ADGRL3: variants seen among roughly 807,000 people sequenced by gnomAD.
The protein encoded by ADGRL3 is adhesion G protein-coupled receptor L3.
ADGRL3 carries 62 observed loss-of-function variants against 153.5 expected under a neutral mutation model. The observed-to-expected ratio is 0.40, with a 90% confidence interval of 0.33 to 0.50. ADGRL3 has a LOEUF of 0.50. ADGRL3 is among the 20% of genes least tolerant of loss of function. The pLI is 0.47. For missense variants in ADGRL3, 1,641 were observed against 1,859.4 expected (o/e 0.88, Z 2.16); for synonymous variants, 710 against 672.5 (o/e 1.06, Z -0.86).
intron 2 of ADGRL3, among the ~76,000 whole-genome samples, chr4:61,456,423 C>CTA (rs1349068202): frequency 2.0e-5 from 1 of 50,470 alleles, no homozygotes; most frequent in African/African-American, 5.5e-5. Context: ...ATAGATATAT[C>CTA]TATATCTATA....
At chr4:61,646,840 T>G (rs376963955) in intron 5 of ADGRL3, among the ~76,000 whole-genome samples, 113 of 152,352 alleles carry the variant, frequency 7.4e-4, no homozygotes, top group Non-Finnish European at 1.2e-3. Flanking sequence ...GTTTACCTAA[T>G]CAAGCCTGGG....
At chr4:62,044,612 C>A in intron 25 of ADGRL3, 63 bp downstream of exon 25, 1 of 1,123,682 alleles carries the variant, frequency 8.9e-7, no homozygotes, top group South Asian at 1.4e-5. Flanking sequence ...TCCTTAAATT[C>A]ATTGCTTTAT....
intron 15 of ADGRL3, among the ~76,000 whole-genome samples, chr4:61,946,024 T>C (rs576441120): frequency 5.6e-4 from 85 of 152,344 alleles, no homozygotes; most frequent in Admixed American, 9.2e-4. Flanking sequence ...AATAATTGAC[T>C]TGTTTCCAGT....
chr4:61,483,682 A>G (rs1453774900), intron 2 of ADGRL3, among the ~76,000 whole-genome samples: 1 of 152,114 alleles, frequency 6.6e-6, no homozygotes, highest in East Asian at 1.9e-4. Flanking sequence ...GGTTGCTATG[A>G]GCCGAGATCA....
intron 8 of ADGRL3, among the ~76,000 whole-genome samples, chr4:61,796,634 C>T (rs2097417361): frequency 6.6e-6 from 1 of 152,106 alleles, no homozygotes; most frequent in Non-Finnish European, 1.5e-5. Flanking sequence ...TTAAATCTAT[C>T]ATGACTTTGA....
At chr4:61,758,259 G>T (rs1373774860) in intron 8 of ADGRL3, among the ~76,000 whole-genome samples, 1 of 152,108 alleles carries the variant, frequency 6.6e-6, no homozygotes, top group Non-Finnish European at 1.5e-5. Flanking sequence ...TCATTGATCT[G>T]TCTAATGGTG....
At chr4:61,231,553 G>C (rs1337839275) in intron 1 of ADGRL3, among the ~76,000 whole-genome samples, 1 of 152,074 alleles carries the variant, frequency 6.6e-6, no homozygotes, top group Non-Finnish European at 1.5e-5. Flanking sequence ...TCACCTGGCT[G>C]TTTCAAACTT....
intron 1 of ADGRL3, among the ~76,000 whole-genome samples, chr4:61,382,623 GAATA>G (rs879922282): frequency 3.3e-5 from 5 of 151,334 alleles, no homozygotes; most frequent in Admixed American, 3.3e-4. Context: ...AGATTATTGT[GAATA>G]AATAGATTAC....
intron 1 of ADGRL3, among the ~76,000 whole-genome samples, chr4:61,336,706 C>A (rs1180550119): frequency 1.3e-5 from 2 of 152,038 alleles, no homozygotes; most frequent in East Asian, 1.9e-4. Flanking sequence ...AATAATCTGC[C>A]AACATTCATG....
At chr4:61,810,839 T>A (rs1319889398) in intron 8 of ADGRL3, among the ~76,000 whole-genome samples, 1 of 152,166 alleles carries the variant, frequency 6.6e-6, no homozygotes, top group Non-Finnish European at 1.5e-5. Flanking sequence ...AATGGGGACA[T>A]AATTTCTGGC....
intron 5 of ADGRL3, among the ~76,000 whole-genome samples, chr4:61,659,282 A>G (rs2343552): frequency 0.017 from 2,629 of 152,232 alleles, 83 homozygotes; most frequent in African/African-American, 0.06. Context: ...TAGCTCTTAA[A>G]CATATCTTTT....
chr4:61,742,347 C>T (rs919700533), intron 8 of ADGRL3, among the ~76,000 whole-genome samples: 4 of 152,050 alleles, frequency 2.6e-5, no homozygotes, highest in African/African-American at 7.2e-5. Context: ...GGAGCGATCT[C>T]GGCTCACTGC....
intron 1 of ADGRL3, among the ~76,000 whole-genome samples, chr4:61,344,790 TATTA>T (rs1332648319): frequency 6.6e-6 from 1 of 151,984 alleles, no homozygotes; most frequent in Non-Finnish European, 1.5e-5. Context: ...TTTATTTATT[TATTA>T]TTTATTTTTG....
intron 8 of ADGRL3, among the ~76,000 whole-genome samples, chr4:61,736,395 TG>T (rs1244606820): frequency 6.6e-6 from 1 of 152,200 alleles, no homozygotes; most frequent in Non-Finnish European, 1.5e-5. Flanking sequence ...GGCTCTTGCC[TG>T]TAATCCCAGC....
In ADGRL3 at chr4:61,409,149, C is replaced by CA. The variant is rs1009752740; in HGVS notation, c.-174+25967dup. On this transcript the variant is annotated intron_variant, in intron 2 of 26. Transcript: ENST00000683033. ...TATGCTTTGAGGACAAGAAAGTCAC[C>CA]AAAAAAATCCCAGTTAGTTGAAAAA... 1.4e-4 allele frequency among the ~76,000 whole-genome samples: 20 copies of CA among 144,258 alleles called. No homozygotes were observed. In the South Asian group the frequency reaches 3.9e-3, roughly 28 times the overall value. 94.6% of individuals were successfully genotyped at this position (144,258 alleles called of 152,430 possible).
At chr4:61,967,185 ATT>A (rs1164821785) in intron 17 of ADGRL3, among the ~76,000 whole-genome samples, 3 of 152,026 alleles carry the variant, frequency 2.0e-5, no homozygotes, top group African/African-American at 7.2e-5. Flanking sequence ...TGATCCAGAC[ATT>A]TGTTTTCATG....
At chr4:61,270,027 A>G (rs546672887) in intron 1 of ADGRL3, among the ~76,000 whole-genome samples, 2 of 151,856 alleles carry the variant, frequency 1.3e-5, no homozygotes, top group Non-Finnish European at 3.0e-5. Context: ...TGGCAAAGAC[A>G]TTTGTTACTA....
At chr4:61,948,027 TA>T in intron 16 of ADGRL3, 72 bp from the exon 17 acceptor site, 2 of 1,272,060 alleles carry the variant, frequency 1.6e-6, no homozygotes, top group Non-Finnish European at 1.1e-6. Context: ...GTATTATATG[TA>T]AAGAAAATGC....
rs866485954 is a variant in ADGRL3 at position 61,295,508 on chromosome 4, G to T, written c.-239-87616G>T. Among the ~76,000 whole-genome samples the T allele has an allele frequency of 5.7e-4, 86 of 152,200 alleles. No homozygotes were observed. The Middle Eastern group carries it at 0.01, about 18-fold the overall frequency. ...CTGTGTATATATAATTAATAAAATA[G>T]AGATCTAGCAAATATCAAACAAGTA... is the stretch of plus-strand genomic sequence containing the variant. On this transcript the variant is annotated intron_variant, in intron 1 of 26. Transcript: ENST00000683033.
Sources: gnomAD v4.1 joint callset for allele counts (sites outside exome capture counted in the v4.1 genomes callset) on GRCh38, gnomAD v4.1.1 for gene constraint, MANE v1.5 for transcripts, NCBI Gene and HGNC (gene_info 2026-07-23, HGNC 2026-07-21) for gene names.